Variants in GRIN2B observed in about 807,000 individuals in gnomAD.
The protein encoded by GRIN2B is glutamate receptor ionotropic, NMDA 2B.
A neutral mutation model predicts 114.5 loss-of-function variants in GRIN2B; 5 were observed. That is an observed-to-expected ratio of 0.04 (90% CI 0.02 to 0.09). The LOEUF is 0.09. GRIN2B is among the 10% of genes least tolerant of loss of function. The pLI is 1.00. For missense variants in GRIN2B, 1,108 were observed against 1,943.5 expected (o/e 0.57, Z 8.08); for synonymous variants, 787 against 745.1 (o/e 1.06, Z -0.92).
chr12:13,618,713 A>G (rs1335559638), intron 5 of GRIN2B, among the ~76,000 whole-genome samples: 1 of 152,190 alleles, frequency 6.6e-6, no homozygotes, highest in Non-Finnish European at 1.5e-5. Context: ...AGTCTAGCCT[A>G]CCTTGATACA....
chr12:13,703,176 G>GC (rs1321246562), intron 4 of GRIN2B, among the ~76,000 whole-genome samples: 2 of 152,132 alleles, frequency 1.3e-5, no homozygotes, highest in Non-Finnish European at 2.9e-5. Context: ...AAGATTGTAT[G>GC]CAAGGGTTGG....
intron 2 of GRIN2B, among the ~76,000 whole-genome samples, chr12:13,905,582 C>T (rs1436925296): frequency 6.6e-6 from 1 of 152,104 alleles, no homozygotes; most frequent in Non-Finnish European, 1.5e-5. Flanking sequence ...TTTGACTATA[C>T]TATTCACTAC....
rs1948503019 is a variant in GRIN2B, at chr12:13,558,651, T to C, written c.*4132A>G. 6.6e-6 allele frequency: 1 copy of C among 152,222 alleles called. No individual in the cohort carries two copies. Among genetic ancestry groups the C allele is most frequent in the African/African-American group, 2.4e-5 (1 of 41,442 alleles). The allele number at this position is 152,222 out of a possible 1,614,324, so 9.4% of individuals were successfully genotyped here. A position where few individuals can be genotyped will look rare whatever the true frequency, so the allele number is the denominator to read the frequency against. On this transcript the variant is annotated 3_prime_UTR_variant, in exon 14 of 14. Coordinates refer to ENST00000609686, the MANE Select transcript of GRIN2B (RefSeq NM_000834.5). ...CTGTATCATGTCATACATGCGTTTT[T>C]GGCACTACTGACACCAGCAACATTT...
chr12:13,963,273 C>T (rs1275816392), intron 2 of GRIN2B, among the ~76,000 whole-genome samples: 1 of 152,140 alleles, frequency 6.6e-6, no homozygotes, highest in Non-Finnish European at 1.5e-5. Flanking sequence ...TGTAACACTC[C>T]CAATTTCCTG....
At chr12:13,567,896 T>C (rs1167246576) in intron 12 of GRIN2B, among the ~76,000 whole-genome samples, 1 of 152,088 alleles carries the variant, frequency 6.6e-6, no homozygotes, top group Non-Finnish European at 1.5e-5. Flanking sequence ...CTGTACTTTA[T>C]ATTATAGACA....
intron 4 of GRIN2B, among the ~76,000 whole-genome samples, chr12:13,704,180 C>T (rs1294582755): frequency 6.6e-6 from 1 of 152,048 alleles, no homozygotes. Flanking sequence ...GATGCTGAGA[C>T]CGGGAGGCTG....
At chr12:13,876,810 T>A (rs1356322664) in intron 2 of GRIN2B, among the ~76,000 whole-genome samples, 2 of 152,212 alleles carry the variant, frequency 1.3e-5, no homozygotes, top group African/African-American at 4.8e-5. Context: ...AGGCAGGGAC[T>A]ATGTCTTATT....
chr12:13,959,662 C>T (rs1284347564), intron 2 of GRIN2B, among the ~76,000 whole-genome samples: 1 of 151,810 alleles, frequency 6.6e-6, no homozygotes, highest in African/African-American at 2.4e-5. Context: ...AAACTGGTGC[C>T]AGGACAGTGT....
intron 3 of GRIN2B, among the ~76,000 whole-genome samples, chr12:13,856,375 A>C (rs945218061): frequency 6.6e-6 from 1 of 152,146 alleles, no homozygotes; most frequent in Non-Finnish European, 1.5e-5. Flanking sequence ...TAAGCAAAAA[A>C]GTAATAATAG....
chr12:13,829,330 C>T (rs547858373), intron 3 of GRIN2B, among the ~76,000 whole-genome samples: 10 of 152,190 alleles, frequency 6.6e-5, no homozygotes, highest in South Asian at 6.2e-4. Context: ...CTATTTACTC[C>T]GGAATATCCA....
chr12:13,633,468 G>A (rs2136499430), intron 5 of GRIN2B, among the ~76,000 whole-genome samples: 2 of 152,328 alleles, frequency 1.3e-5, no homozygotes, highest in South Asian at 4.1e-4. Flanking sequence ...ATACTGGCCT[G>A]TGCCACTAAG....
At chr12:13,803,916 C>G (rs1179333085) in intron 3 of GRIN2B, among the ~76,000 whole-genome samples, 1 of 152,174 alleles carries the variant, frequency 6.6e-6, no homozygotes, top group Non-Finnish European at 1.5e-5. Context: ...TTTGTCCCAA[C>G]CAGCCATTTT....
At chr12:13,953,378 T>G (rs942904813) in intron 2 of GRIN2B, among the ~76,000 whole-genome samples, 1 of 152,180 alleles carries the variant, frequency 6.6e-6, no homozygotes, top group African/African-American at 2.4e-5. Flanking sequence ...CCAGGTCACA[T>G]TGCAGAGGAG....
chr12:13,715,713 C>T (rs1950449194), intron 4 of GRIN2B, among the ~76,000 whole-genome samples: 1 of 151,906 alleles, frequency 6.6e-6, no homozygotes, highest in Non-Finnish European at 1.5e-5. Flanking sequence ...AAACTCTGAT[C>T]TTTCAAATGA....
At chr12:13,696,840 A>G (rs1162607957) in intron 4 of GRIN2B, among the ~76,000 whole-genome samples, 5 of 152,160 alleles carry the variant, frequency 3.3e-5, no homozygotes, top group Non-Finnish European at 5.9e-5. Context: ...AGATAACTCC[A>G]AAACTTATTG....
chr12:13,958,626 T>A (rs1439124135), intron 2 of GRIN2B, among the ~76,000 whole-genome samples: 1 of 152,174 alleles, frequency 6.6e-6, no homozygotes, highest in African/African-American at 2.4e-5. Flanking sequence ...ACCACATGTC[T>A]CATCCCGTGG....
chr12:13,802,437 A>G (rs1244691499), intron 3 of GRIN2B, among the ~76,000 whole-genome samples: 3 of 152,172 alleles, frequency 2.0e-5, no homozygotes, highest in African/African-American at 7.2e-5. Flanking sequence ...TGTTGGTACT[A>G]TTTGACCAAG....
Position 13,555,775 on chromosome 12 carries a change from C to T in GRIN2B, c.*7008G>A, listed in dbSNP as rs1309020085. On this transcript the variant is annotated 3_prime_UTR_variant, in exon 14 of 14. Coordinates refer to ENST00000609686, the MANE Select transcript of GRIN2B (RefSeq NM_000834.5). The stretch of plus-strand genomic sequence containing the variant: ...ACATGAACATGAAAGGAAAATAAAA[C>T]AAATTTATCAAGCACAGAATGTGAC... The T allele has an allele frequency of 1.3e-5, 2 of 152,130 alleles. No homozygotes were observed. Among genetic ancestry groups the T allele is most frequent in the Admixed American group, 6.5e-5 (1 of 15,268 alleles). The allele number at this position is 152,130 out of a possible 1,614,324, so 9.4% of individuals were successfully genotyped here.
intron 3 of GRIN2B, among the ~76,000 whole-genome samples, chr12:13,782,152 G>C (rs905003799): frequency 6.6e-6 from 1 of 152,146 alleles, no homozygotes; most frequent in African/African-American, 2.4e-5. Context: ...GATGTTATAG[G>C]CTTCACTTTT....
Sources: allele counts gnomAD v4.1 joint callset (sites outside exome capture counted in the v4.1 genomes callset), GRCh38; gene constraint gnomAD v4.1.1; transcripts MANE v1.5; gene names NCBI Gene and HGNC (gene_info 2026-07-23, HGNC 2026-07-21).